The following ATP2B2 variants were observed in gnomAD, a reference collection of about 807,000 sequenced individuals.
ATP2B2 encodes ATPase plasma membrane Ca2+ transporting 2, also known as plasma membrane calcium-transporting ATPase 2.
Under a neutral mutation model 120.0 loss-of-function variants are expected in ATP2B2, and 15 were observed. The ratio of observed to expected loss-of-function variants is 0.12; its 90% CI spans 0.08 to 0.19. ATP2B2 has a LOEUF of 0.19. Ranked by LOEUF, ATP2B2 falls within the 10% of genes least tolerant of loss-of-function variation. The pLI, the probability that ATP2B2 is intolerant of heterozygous loss-of-function variation, is 1.00. For missense variants in ATP2B2, 1,045 were observed against 1,719.8 expected (o/e 0.61, Z 6.94); for synonymous variants, 694 against 700.3 (o/e 0.99, Z 0.14).
rs773619146 is a variant in ATP2B2 at position 10,378,336 on chromosome 3, T to G, written c.1117A>C (p.Arg373=). Reference sequence around the variant, plus strand: ...TTCTTGTGCATGCTGGCCTTCTTCCTGTCGTCAGCGTCGCCGCCCTCGGCA... The same window carrying G: ...TTCTTGTGCATGCTGGCCTTCTTCCGGTCGTCAGCGTCGCCGCCCTCGGCA... The part of the protein sequence containing the change: ...KSAEGGDADD[R]KKASMHKKEK... The change falls in exon 10 of 23, where the codon AGG becomes CGG. Residue 373 remains arginine (R), a synonymous_variant. Transcript: ENST00000360273. 5.6e-6 allele frequency: 9 copies of G among 1,608,714 alleles called. No individual in the cohort carries two copies. Among genetic ancestry groups the G allele is most frequent in the East Asian group, 4.5e-5 (2 of 44,904 alleles).
intron 1 of ATP2B2, among the ~76,000 whole-genome samples, chr3:10,483,774 C>T (rs892065631): frequency 4.6e-5 from 7 of 152,212 alleles, no homozygotes; most frequent in Non-Finnish European, 8.8e-5. Context: ...CAAACGCCTT[C>T]CGGAAAAAAC....
chr3:10,415,275 G>C (rs1369131159), intron 2 of ATP2B2, among the ~76,000 whole-genome samples: 1 of 152,212 alleles, frequency 6.6e-6, no homozygotes, highest in African/African-American at 2.4e-5. Context: ...CTGGCACCGG[G>C]TAGATGTACT....
intron 2 of ATP2B2, among the ~76,000 whole-genome samples, chr3:10,551,991 T>C (rs1364526716): frequency 1.5e-4 from 23 of 152,238 alleles, no homozygotes; most frequent in Admixed American, 1.5e-3. Context: ...GCCATGCCTA[T>C]CATGGGGCTG....
In ATP2B2 at chr3:10,328,681, T is replaced by C. The variant is rs2059903880; in HGVS notation, c.*133A>G. 1 of 947,332 alleles carries C rather than the reference T, an allele frequency of 1.1e-6. No individual in the cohort carries two copies. Among genetic ancestry groups the C allele is most frequent in the Non-Finnish European group, 1.5e-6 (1 of 649,090 alleles). 58.7% of individuals were successfully genotyped at this position (947,332 alleles called of 1,614,324 possible). A position where few individuals can be genotyped will look rare whatever the true frequency, so the allele number is the denominator to read the frequency against. On this transcript the variant is annotated 3_prime_UTR_variant, in exon 23 of 23. Transcript: ENST00000360273. The stretch of plus-strand genomic sequence containing the variant: ...GGTCTGTGGGTGGAAACGTTGGTTT[T>C]CTCTCCAGTATTTGGTTTCCGATTG...
chr3:10,394,502 C>T (rs746083099), intron 5 of ATP2B2: 1 of 471,224 alleles, frequency 2.1e-6, no homozygotes, highest in South Asian at 1.6e-5. Context: ...CGTGCTCTAT[C>T]CACTACACCC....
chr3:10,679,548 G>A (rs1157642489), intron 1 of ATP2B2, among the ~76,000 whole-genome samples: 5 of 152,318 alleles, frequency 3.3e-5, no homozygotes, highest in African/African-American at 1.2e-4. Flanking sequence ...TTGGGGGATA[G>A]TCAGGAGGGG....
chr3:10,379,756 G>A (rs1245951677), intron 8 of ATP2B2, among the ~76,000 whole-genome samples: 1 of 151,040 alleles, frequency 6.6e-6, no homozygotes, highest in African/African-American at 2.4e-5. Context: ...AGTAGAGAGA[G>A]GGGAGAGGGG....
intron 2 of ATP2B2, among the ~76,000 whole-genome samples, chr3:10,442,852 T>C (rs2063715466): frequency 6.6e-6 from 1 of 152,230 alleles, no homozygotes; most frequent in Non-Finnish European, 1.5e-5. Context: ...CTAAGTGCTT[T>C]GCACATATTA....
chr3:10,465,031 C>T (rs1004833134), intron 1 of ATP2B2, among the ~76,000 whole-genome samples: 2 of 152,224 alleles, frequency 1.3e-5, no homozygotes, highest in African/African-American at 4.8e-5. Context: ...GTGCCAGGCC[C>T]TTCTCCAATC....
rs1048015124 is a variant in ATP2B2 at position 10,429,724 on chromosome 3, A to G, written c.200-18909T>C. On this transcript the variant is annotated intron_variant, in intron 2 of 22. Transcript: ENST00000360273. Reference sequence around the variant, plus strand: ...TAGAAATGATTAAGCTTAGTGAGGAAGGCATGTCTCACTAAGATAGGCTGA... The same window carrying G: ...TAGAAATGATTAAGCTTAGTGAGGAGGGCATGTCTCACTAAGATAGGCTGA... 2.6e-5 allele frequency among the ~76,000 whole-genome samples: 4 copies of G among 152,250 alleles called. No homozygotes were observed. The South Asian group carries it at 6.2e-4, about 24-fold the overall frequency.
At chr3:10,389,314 C>A (rs967378088) in intron 5 of ATP2B2, among the ~76,000 whole-genome samples, 1 of 152,198 alleles carries the variant, frequency 6.6e-6, no homozygotes, top group Non-Finnish European at 1.5e-5. Flanking sequence ...ACCATGCAGG[C>A]TCAGAGAGCA....
intron 1 of ATP2B2, among the ~76,000 whole-genome samples, chr3:10,496,145 A>G (rs978913409): frequency 1.3e-5 from 2 of 152,212 alleles, no homozygotes; most frequent in Non-Finnish European, 2.9e-5. Context: ...GTAAGTTGAT[A>G]AATTTAGAAG....
At chr3:10,484,350 T>C (rs1319436980) in intron 1 of ATP2B2, among the ~76,000 whole-genome samples, 1 of 152,052 alleles carries the variant, frequency 6.6e-6, no homozygotes, top group African/African-American at 2.4e-5. Context: ...GCCTCTCCCG[T>C]GGGCACAGGC....
intron 1 of ATP2B2, among the ~76,000 whole-genome samples, chr3:10,485,912 C>T (rs912688876): frequency 1.3e-5 from 2 of 152,166 alleles, no homozygotes; most frequent in African/African-American, 4.8e-5. Context: ...TCTGAGCACC[C>T]ACCCCACAAT....
In ATP2B2 at chr3:10,328,755, C is replaced by T. The variant is rs1452206483; in HGVS notation, c.*59G>A. Reference sequence around the variant, plus strand: ...TTGGGTGCCTGGATGGATGGGTGCCCGGAAAGCGGGTGGCAGCGGGGTCCA... The same window carrying T: ...TTGGGTGCCTGGATGGATGGGTGCCTGGAAAGCGGGTGGCAGCGGGGTCCA... On this transcript the variant is annotated 3_prime_UTR_variant, in exon 23 of 23. Coordinates refer to ENST00000360273, the MANE Select transcript of ATP2B2 (RefSeq NM_001001331.4). 4.6e-5 allele frequency: 70 copies of T among 1,529,618 alleles called. No homozygotes were observed. The highest frequency in any genetic ancestry group is 6.3e-5 in the South Asian group (5 of 78,790). 94.8% of individuals were successfully genotyped at this position (1,529,618 alleles called of 1,614,324 possible). A position where few individuals can be genotyped will look rare whatever the true frequency, so the allele number is the denominator to read the frequency against.
intron 1 of ATP2B2, among the ~76,000 whole-genome samples, chr3:10,457,003 C>T (rs976301798): frequency 1.3e-5 from 2 of 152,196 alleles, no homozygotes; most frequent in African/African-American, 4.8e-5. Context: ...GATATCCTCT[C>T]TGGGGGAGGC....
At chr3:10,454,688 C>G (rs1373659115) in intron 1 of ATP2B2, among the ~76,000 whole-genome samples, 1 of 152,244 alleles carries the variant, frequency 6.6e-6, no homozygotes, top group African/African-American at 2.4e-5. Flanking sequence ...ACAAAAGCTA[C>G]TTGTATGATA....
At chr3:10,406,807 G>C (rs2062428842) in intron 3 of ATP2B2, among the ~76,000 whole-genome samples, 1 of 152,244 alleles carries the variant, frequency 6.6e-6, no homozygotes, top group South Asian at 2.1e-4. Context: ...CCACTGACCA[G>C]CCCTGTCTTA....
At chr3:10,403,427 G>A (rs1033391048) in intron 3 of ATP2B2, among the ~76,000 whole-genome samples, 5 of 152,214 alleles carry the variant, frequency 3.3e-5, no homozygotes. Flanking sequence ...GAAGAACCTA[G>A]GCACATCTGA....
Sources: gnomAD v4.1 joint callset for allele counts (sites outside exome capture counted in the v4.1 genomes callset) on GRCh38, gnomAD v4.1.1 for gene constraint, MANE v1.5 for transcripts, NCBI Gene and HGNC (gene_info 2026-07-23, HGNC 2026-07-21) for gene names.